Variants in SPOCK3 observed in about 807,000 individuals in gnomAD.
SPOCK3 encodes the protein testican-3.
Under a neutral mutation model 56.6 loss-of-function variants are expected in SPOCK3, and 30 were observed. The observed-to-expected ratio is 0.53, with a 90% CI of 0.40 to 0.72. The LOEUF (loss-of-function observed/expected upper bound fraction) is 0.72. Ranked by LOEUF, SPOCK3 falls within the 30% of genes least tolerant of loss-of-function variation. SPOCK3 has a pLI of 0.00. For missense variants in SPOCK3, 527 were observed against 530.0 expected (o/e 0.99, Z 0.06); for synonymous variants, 196 against 183.3 (o/e 1.07, Z -0.56).
At chr4:167,204,907 C>T (rs1430394316) in intron 2 of SPOCK3, among the ~76,000 whole-genome samples, 1 of 150,296 alleles carries the variant, frequency 6.7e-6, no homozygotes. Flanking sequence ...TTCACTGCAC[C>T]TTTCGACTCC....
intron 2 of SPOCK3, among the ~76,000 whole-genome samples, chr4:167,084,754 T>C (rs1424137783): frequency 6.7e-6 from 1 of 148,776 alleles, no homozygotes; most frequent in Non-Finnish European, 1.5e-5. Flanking sequence ...AAAGTAAATA[T>C]AAACTACACA....
chr4:166,917,848 T>A (rs552331287), intron 4 of SPOCK3, among the ~76,000 whole-genome samples: 1 of 152,272 alleles, frequency 6.6e-6, no homozygotes, highest in African/African-American at 2.4e-5. Context: ...CATTTCTTTA[T>A]ATCAGTGTGA....
chr4:167,052,451 A>G (rs773383119), intron 3 of SPOCK3, among the ~76,000 whole-genome samples: 7 of 152,220 alleles, frequency 4.6e-5, no homozygotes, highest in Non-Finnish European at 8.8e-5. Flanking sequence ...GAATGTCTAA[A>G]CAGGGAACTT....
At chr4:166,878,513 T>A (rs1206134091) in intron 6 of SPOCK3, among the ~76,000 whole-genome samples, 3 of 150,858 alleles carry the variant, frequency 2.0e-5, no homozygotes, top group Non-Finnish European at 4.4e-5. Flanking sequence ...ATATTTTAAA[T>A]GTATAAAATG....
At chr4:166,985,271 T>C (rs1747024192) in intron 4 of SPOCK3, among the ~76,000 whole-genome samples, 1 of 152,116 alleles carries the variant, frequency 6.6e-6, no homozygotes, top group Admixed American at 6.5e-5. Context: ...AAATGTCTTT[T>C]CAAATTGACT....
chr4:167,176,534 A>T (rs1730996560), intron 2 of SPOCK3, among the ~76,000 whole-genome samples: 1 of 152,274 alleles, frequency 6.6e-6, no homozygotes, highest in Admixed American at 6.5e-5. Flanking sequence ...TTATATAATT[A>T]AATGCCATTT....
Position 166,754,649 on chromosome 4 carries a change from G to C in SPOCK3, c.790C>G (p.Leu264Val). Residue 264 changes from leucine to valine, a missense_variant, in exon 8 of 11, where the codon CTA (leucine) becomes GTA (valine). By Grantham distance (32) the Leu-to-Val change is conservative. Transcript: ENST00000357545. ...FNRLDTNYDL[L>V]LDQSELRSIY... The stretch of plus-strand genomic sequence containing the variant: ...CTTCTGAGCTCTGACTGGTCCAATA[G>C]CAGGTCATAGTTTGTATCAAGTCTG... 1 of 1,613,686 alleles carries C rather than the reference G, an allele frequency of 6.2e-7. No individual in the cohort carries two copies. The highest frequency in any genetic ancestry group is 8.5e-7 in the Non-Finnish European group (1 of 1,179,746).
At chr4:167,222,878 TTGA>T (rs1736131785) in intron 2 of SPOCK3, among the ~76,000 whole-genome samples, 1 of 127,956 alleles carries the variant, frequency 7.8e-6, no homozygotes, top group Non-Finnish European at 1.5e-5. Flanking sequence ...TAGATATATA[TTGA>T]TATATGAATA....
intron 2 of SPOCK3, among the ~76,000 whole-genome samples, chr4:167,148,078 C>T (rs1764121965): frequency 6.6e-6 from 1 of 152,098 alleles, no homozygotes; most frequent in Non-Finnish European, 1.5e-5. Flanking sequence ...TTAGGAGTTC[C>T]ACTGCAATGA....
At chr4:166,816,491 G>A (rs1053799433) in intron 6 of SPOCK3, among the ~76,000 whole-genome samples, 2 of 151,954 alleles carry the variant, frequency 1.3e-5, no homozygotes, top group African/African-American at 4.8e-5. Context: ...TTTTTATAAA[G>A]CATTTTGTGT....
intron 3 of SPOCK3, among the ~76,000 whole-genome samples, chr4:167,044,384 A>C (rs1397146230): frequency 2.6e-5 from 4 of 151,784 alleles, no homozygotes; most frequent in Non-Finnish European, 4.4e-5. Context: ...TCAAAGAACC[A>C]GTTTCTGGTT....
chr4:166,818,768 A>G (rs1744627890), intron 6 of SPOCK3, among the ~76,000 whole-genome samples: 1 of 152,008 alleles, frequency 6.6e-6, no homozygotes, highest in Admixed American at 6.6e-5. Flanking sequence ...AAAACATTCC[A>G]GCTTAGTTTA....
At position 167,192,792 on chromosome 4, in the gene SPOCK3, TTG is replaced by T. The variant is rs1384565722; in HGVS notation, c.189+41191_189+41192del. ...GCTGCCTCCCGTAACTTTTGATACG[TTG>T]TGTTTCAATTTTCATTTGTTTCAAG... On this transcript the variant is annotated intron_variant, in intron 2 of 10. Transcript: ENST00000357545. Among the ~76,000 whole-genome samples the T allele has an allele frequency of 2.1e-5, 3 of 146,004 alleles. 1 individual carries two copies. The highest frequency in any genetic ancestry group is 4.5e-5 in the Non-Finnish European group (3 of 66,936).
chr4:166,775,873 A>T (rs774567364), intron 7 of SPOCK3, among the ~76,000 whole-genome samples: 1 of 152,222 alleles, frequency 6.6e-6, no homozygotes, highest in African/African-American at 2.4e-5. Flanking sequence ...ACACGCATGA[A>T]GAATACTAAA....
intron 4 of SPOCK3, among the ~76,000 whole-genome samples, chr4:166,987,548 G>A (rs1747304781): frequency 1.3e-5 from 2 of 152,124 alleles, no homozygotes; most frequent in African/African-American, 4.8e-5. Context: ...GTGCCTATAT[G>A]CATTACTGGC....
At chr4:167,142,906 C>A (rs1165065535) in intron 2 of SPOCK3, among the ~76,000 whole-genome samples, 1 of 151,758 alleles carries the variant, frequency 6.6e-6, no homozygotes, top group Non-Finnish European at 1.5e-5. Flanking sequence ...GTGGATGCAA[C>A]AAAACAACCA....
chr4:167,080,206 T>C (rs1320347923), intron 2 of SPOCK3, among the ~76,000 whole-genome samples: 1 of 152,052 alleles, frequency 6.6e-6, no homozygotes, highest in African/African-American at 2.4e-5. Context: ...TAGTTCACCT[T>C]GCAGGTGAAG....
intron 2 of SPOCK3, among the ~76,000 whole-genome samples, chr4:167,116,733 A>G (rs1480604850): frequency 7.4e-6 from 1 of 135,266 alleles, no homozygotes; most frequent in South Asian, 2.3e-4. Context: ...ATATATACAC[A>G]CATATAGTAT....
chr4:166,773,609 C>T (rs959161004), intron 7 of SPOCK3, among the ~76,000 whole-genome samples: 1 of 152,038 alleles, frequency 6.6e-6, no homozygotes, highest in Non-Finnish European at 1.5e-5. Context: ...TTCTTATGTT[C>T]TTTTACTACT....
Sources: allele counts gnomAD v4.1 joint callset (sites outside exome capture counted in the v4.1 genomes callset), GRCh38; gene constraint gnomAD v4.1.1; transcripts MANE v1.5; gene names NCBI Gene and HGNC (gene_info 2026-07-23, HGNC 2026-07-21).